The following AFF2 variants were observed in gnomAD, a reference collection of about 807,000 sequenced individuals.
The protein encoded by AFF2 is AF4/FMR2 family member 2.
A neutral mutation model predicts 76.9 loss-of-function variants in AFF2; 14 were observed. That is an observed-to-expected ratio of 0.18 (90% CI 0.12 to 0.28). AFF2 has a LOEUF of 0.28. AFF2 is among the 10% of genes least tolerant of loss of function. The probability of loss-of-function intolerance (pLI) is 1.00; values close to 1 mark genes in which losing one functional copy is unlikely to be tolerated. For synonymous variants in AFF2, 398 were observed against 366.7 expected, an observed-to-expected ratio of 1.09 and a Z score of -0.98; for missense variants, 868 against 1,001.1, an observed-to-expected ratio of 0.87 and a Z score of 1.79.
intron 3 of AFF2, among the ~76,000 whole-genome samples, chrX:148,681,768 G>A (rs782064467): frequency 1.1e-4 from 12 of 110,886 alleles, no homozygotes; most frequent in African/African-American, 3.3e-4. Flanking sequence ...TGTTAAAATG[G>A]GACTTTAGTA....
intron 1 of AFF2, among the ~76,000 whole-genome samples, chrX:148,543,463 T>G (rs782620561): frequency 9.0e-6 from 1 of 111,150 alleles, no homozygotes; most frequent in Non-Finnish European, 1.9e-5. Context: ...AGATAAGCAC[T>G]GTCTTCCTAA....
intron 1 of AFF2, among the ~76,000 whole-genome samples, chrX:148,642,651 T>C (rs1454910860): frequency 3.6e-5 from 4 of 111,798 alleles, no homozygotes; most frequent in African/African-American, 9.8e-5. Flanking sequence ...CCAGGACACA[T>C]TGGGACAGGA....
chrX:148,696,361 A>T (rs782405574), intron 3 of AFF2, among the ~76,000 whole-genome samples: 1 of 110,638 alleles, frequency 9.0e-6, no homozygotes, highest in African/African-American at 3.3e-5. Flanking sequence ...TGAGGAGTTA[A>T]TGGGTGCAGC....
At position 148,662,057 on chromosome X, in the gene AFF2, T is replaced by C. The variant is rs782746084; in HGVS notation, c.330T>C (p.Asn110=). Residue 110 remains asparagine, a synonymous_variant, in exon 3 of 21, where the codon AAT becomes AAC. Transcript: ENST00000370460. Reference sequence around the variant, plus strand: ...TGCCCCAGAATCCCAACAACAAAAATGAACCAAGCTTTTTTCCAGAACAAA... The same window carrying C: ...TGCCCCAGAATCCCAACAACAAAAACGAACCAAGCTTTTTTCCAGAACAAA... The part of the protein sequence containing the change: ...NSVPQNPNNK[N]EPSFFPEQKN... The C allele has an allele frequency of 9.9e-6, 12 of 1,208,881 alleles. No individual in the cohort carries two copies. The highest frequency in any genetic ancestry group is 1.3e-5 in the Non-Finnish European group (12 of 894,342).
At chrX:148,601,603 A>G (rs1313346790) in intron 1 of AFF2, among the ~76,000 whole-genome samples, 1 of 111,804 alleles carries the variant, frequency 8.9e-6, no homozygotes, top group African/African-American at 3.2e-5. Context: ...TGCATGTATT[A>G]CAGGCATATC....
intron 3 of AFF2, among the ~76,000 whole-genome samples, chrX:148,663,575 G>A (rs1557258118): frequency 8.9e-6 from 1 of 112,455 alleles, no homozygotes; most frequent in Admixed American, 9.4e-5. Context: ...TGGGGGTCAT[G>A]CATGGTGCTG....
In AFF2 at chrX:148,729,734, A is replaced by C. The variant is rs1022927442; in HGVS notation, c.1041+66966A>C. Among the ~76,000 whole-genome samples, 5 of 112,145 alleles carry C rather than the reference A, an allele frequency of 4.5e-5. No homozygotes were observed. In the Admixed American group the frequency reaches 4.7e-4, roughly 11 times the overall value. ...AAACAATTATCCAGTGAATTTAATCAATGCAGAGAGTGATCTCGCTAATTC... is the reference window on the plus strand; with the variant it reads ...AAACAATTATCCAGTGAATTTAATCCATGCAGAGAGTGATCTCGCTAATTC... On this transcript the variant is annotated intron_variant, in intron 3 of 20. Transcript: ENST00000370460.
At position 148,772,086 on chromosome X, in the gene AFF2, T is replaced by C. The variant is rs782651961; in HGVS notation, c.1042-37790T>C. On this transcript the variant is annotated intron_variant, in intron 3 of 20. Transcript: ENST00000370460. ...TTACAGCCTGATTTAATAGGTCACA[T>C]TTCACTGCCTTTATGGGCATCCTTA... Among the ~76,000 whole-genome samples the C allele has an allele frequency of 3.6e-5, 4 of 112,103 alleles. No individual in the cohort carries two copies. The East Asian group carries it at 1.1e-3, about 31-fold the overall frequency.
chrX:148,746,606 C>G (rs782484574), intron 3 of AFF2, among the ~76,000 whole-genome samples: 5 of 112,827 alleles, frequency 4.4e-5, no homozygotes, highest in African/African-American at 1.6e-4. Context: ...CCATACAAGT[C>G]AGCATAGTAA....
rs201715761 is a variant in AFF2 at position 148,703,368 on chromosome X, C to T, written c.1041+40600C>T. Among the ~76,000 whole-genome samples, 6 of 111,938 alleles carry T rather than the reference C, an allele frequency of 5.4e-5. No homozygotes were observed. The East Asian group carries it at 1.4e-3, about 26-fold the overall frequency. On this transcript the variant is annotated intron_variant, in intron 3 of 20. Coordinates refer to ENST00000370460, the MANE Select transcript of AFF2 (RefSeq NM_002025.4). The stretch of plus-strand genomic sequence containing the variant: ...CCTCACTAACCATGAACCATTTCTC[C>T]CATTCATGAACTGGTAACAGGTGTC...
intron 13 of AFF2, among the ~76,000 whole-genome samples, chrX:148,965,554 C>A (rs1470080416): frequency 1.8e-5 from 2 of 111,577 alleles, no homozygotes; most frequent in Non-Finnish European, 3.8e-5. Context: ...TTTGGAAACT[C>A]TTTATTGACA....
chrX:148,745,075 T>C (rs1557265988), intron 3 of AFF2, among the ~76,000 whole-genome samples: 2 of 111,880 alleles, frequency 1.8e-5, no homozygotes, highest in African/African-American at 6.5e-5. Context: ...GTTAGGTGGA[T>C]GTGTTGGTGG....
At chrX:148,711,622 C>G (rs1233909779) in intron 3 of AFF2, among the ~76,000 whole-genome samples, 1 of 112,264 alleles carries the variant, frequency 8.9e-6, no homozygotes, top group Non-Finnish European at 1.9e-5. Flanking sequence ...ATTGAGGCAT[C>G]TCCTCATTCC....
intron 1 of AFF2, among the ~76,000 whole-genome samples, chrX:148,531,298 C>T (rs2052727795): frequency 1.8e-5 from 2 of 111,660 alleles, no homozygotes; most frequent in Admixed American, 1.9e-4. Context: ...AATGAAATCC[C>T]ATGTTCCAGA....
intron 1 of AFF2, among the ~76,000 whole-genome samples, chrX:148,640,997 G>A (rs1283097983): frequency 8.9e-6 from 1 of 111,914 alleles, no homozygotes; most frequent in African/African-American, 3.2e-5. Flanking sequence ...AAGCCAACCT[G>A]AGAGTGTTCC....
intron 3 of AFF2, among the ~76,000 whole-genome samples, chrX:148,763,612 A>C (rs1419942740): frequency 8.9e-6 from 1 of 111,990 alleles, no homozygotes; most frequent in Non-Finnish European, 1.9e-5. Flanking sequence ...ATAATACGAA[A>C]AAATGAAAGA....
At chrX:148,720,729 A>G (rs2055081528) in intron 3 of AFF2, among the ~76,000 whole-genome samples, 1 of 112,007 alleles carries the variant, frequency 8.9e-6, no homozygotes, top group Non-Finnish European at 1.9e-5. Flanking sequence ...ATCTTCATTC[A>G]CAGAAGAACA....
intron 20 of AFF2, 77 bp downstream of exon 20, chrX:148,987,634 C>T: frequency 1.1e-6 from 1 of 884,826 alleles, no homozygotes; most frequent in East Asian, 3.2e-5. Context: ...TTGAGTTGTA[C>T]TTGGTGGCCT....
At chrX:148,904,358 C>G in intron 9 of AFF2, 100 bp downstream of exon 9, 1 of 536,021 alleles carries the variant, frequency 1.9e-6, no homozygotes, top group Non-Finnish European at 3.1e-6. Context: ...TTGAGTTAAT[C>G]TCTATTCATG....
Sources: gnomAD v4.1 joint callset for allele counts (sites outside exome capture counted in the v4.1 genomes callset) on GRCh38, gnomAD v4.1.1 for gene constraint, MANE v1.5 for transcripts, NCBI Gene and HGNC (gene_info 2026-07-23, HGNC 2026-07-21) for gene names.